AVEN: variants seen among roughly 807,000 people sequenced by gnomAD.
AVEN encodes apoptosis and caspase activation inhibitor, also known as cell death regulator Aven.
Under a neutral mutation model 38.1 loss-of-function variants are expected in AVEN, and 41 were observed. The observed-to-expected ratio is 1.08, with a 90% CI of 0.84 to 1.40. The LOEUF is 1.40. Among genes scored for constraint, AVEN ranks in the 40% most tolerant of loss-of-function variants. The pLI is 0.00. For synonymous variants in AVEN, 206 were observed against 171.8 expected (o/e 1.20, Z -1.56); for missense variants, 605 against 438.8 (o/e 1.38, Z -3.38).
At chr15:33,904,033 A>G (rs1264597587) in intron 2 of AVEN, among the ~76,000 whole-genome samples, 1 of 152,222 alleles carries the variant, frequency 6.6e-6, no homozygotes, top group Admixed American at 6.5e-5. Context: ...AAAGTATGGT[A>G]TTAAAATTTT....
intron 2 of AVEN, among the ~76,000 whole-genome samples, chr15:34,001,183 G>A (rs929255539): frequency 5.3e-5 from 8 of 151,944 alleles, no homozygotes; most frequent in Non-Finnish European, 1.0e-4. Context: ...ACCACGCCCA[G>A]CTAATTTTTT....
At chr15:33,918,401 A>C (rs1893242862) in intron 2 of AVEN, among the ~76,000 whole-genome samples, 1 of 151,916 alleles carries the variant, frequency 6.6e-6, no homozygotes, top group Admixed American at 6.5e-5. Context: ...TAATTTGTCA[A>C]AGAAAAGCAT....
chr15:34,037,516 T>C (rs1456377605), intron 1 of AVEN, among the ~76,000 whole-genome samples: 1 of 149,316 alleles, frequency 6.7e-6, no homozygotes, highest in African/African-American at 2.4e-5. Flanking sequence ...TATAATTACA[T>C]ACTATTATAT....
intron 2 of AVEN, among the ~76,000 whole-genome samples, chr15:33,986,512 A>C (rs1896477070): frequency 6.6e-6 from 1 of 152,174 alleles, no homozygotes; most frequent in African/African-American, 2.4e-5. Flanking sequence ...CTACTTAGCT[A>C]GAAAGTAAGA....
At chr15:34,026,957 C>A (rs1330288590) in intron 1 of AVEN, among the ~76,000 whole-genome samples, 1 of 152,034 alleles carries the variant, frequency 6.6e-6, no homozygotes, top group African/African-American at 2.4e-5. Context: ...GAAGAAGTTT[C>A]TAACAATTAG....
intron 5 of AVEN, among the ~76,000 whole-genome samples, chr15:34,059,176 C>T (rs1351060064): frequency 6.6e-6 from 1 of 152,120 alleles, no homozygotes; most frequent in African/African-American, 2.4e-5. Flanking sequence ...GGATTACAGG[C>T]GTGAGCCACC....
Position 33,998,798 on chromosome 15 carries a change from G to A in AVEN, c.445+4234C>T, listed in dbSNP as rs193002411. On this transcript the variant is annotated intron_variant, in intron 2 of 5. Transcript: ENST00000306730. ...TTCTTTCTTCTACCACTCATGCTCA[G>A]TCTCCTTTGCTGGTCTCTTCTCTTT... Among the ~76,000 whole-genome samples, 146 of 152,282 alleles carry A rather than the reference G, an allele frequency of 9.6e-4. 1 individual carries two copies. Among genetic ancestry groups the A allele is most frequent in the African/African-American group, 3.4e-3 (142 of 41,554 alleles).
rs1897353554 is a variant in AVEN at position 34,006,554 on chromosome 15, T to A, written c.268-3345A>T. Among the ~76,000 whole-genome samples the A allele has an allele frequency of 2.0e-5, 3 of 152,214 alleles. No individual in the cohort carries two copies. The South Asian group carries it at 6.2e-4, about 32-fold the overall frequency. On this transcript the variant is annotated intron_variant, in intron 1 of 5. Coordinates refer to ENST00000306730, the MANE Select transcript of AVEN (RefSeq NM_020371.3). ...ACCTTGATCTAAAAGAGGATTATGA[T>A]CTAAAACACCTAAGGAACGATTAAT...
At chr15:34,055,560 G>A (rs965895413) in intron 5 of AVEN, among the ~76,000 whole-genome samples, 5 of 151,842 alleles carry the variant, frequency 3.3e-5, no homozygotes, top group Non-Finnish European at 7.4e-5. Context: ...CCAGCACTTT[G>A]GGAGGCTGAG....
intron 2 of AVEN, among the ~76,000 whole-genome samples, chr15:33,922,133 T>C (rs1737962866): frequency 6.6e-6 from 1 of 152,190 alleles, no homozygotes; most frequent in Non-Finnish European, 1.5e-5. Flanking sequence ...GGTTAACAAA[T>C]TTGGAATCTT....
At chr15:33,891,433 G>C (rs374145675) in intron 2 of AVEN, among the ~76,000 whole-genome samples, 1 of 152,038 alleles carries the variant, frequency 6.6e-6, no homozygotes, top group Admixed American at 6.6e-5. Context: ...CTCCCTGTCT[G>C]TGTCCAAGTG....
downstream of AVEN, chr15:33,854,359 TAAGTTTTA>T (rs777645911): frequency 1.4e-5 from 22 of 1,540,236 alleles, no homozygotes; most frequent in South Asian, 2.7e-4. Context: ...TTGACATTTA[TAAGTTTTA>T]AAATCACTTG....
Position 34,062,953 on chromosome 15 carries a change from T to C in AVEN, n.1606A>G, listed in dbSNP as rs1233307744. ...AGCTTAGCCTGTGCAGATCTCATCA[T>C]TGGAATCTTCTCCATGAACCTCTAC... On this transcript the variant is annotated non_coding_transcript_exon_variant, in exon 5 of 12. Coordinates refer to the AVEN transcript ENST00000675287. 1.4e-5 allele frequency: 22 copies of C among 1,613,878 alleles called. No homozygotes were observed. The highest frequency in any genetic ancestry group is 1.4e-5 in the Non-Finnish European group (17 of 1,179,986).
In AVEN at chr15:33,948,711, C is replaced by T. The variant is rs141865603; in HGVS notation, c.445+54321G>A. On this transcript the variant is annotated intron_variant, in intron 2 of 5. Transcript: ENST00000306730. Reference sequence around the variant, plus strand: ...TTTTTAAGACAGAGTCTCACTCTGTCGCCCAGGCTGGAGTGCAGTGGCACA... The same window carrying T: ...TTTTTAAGACAGAGTCTCACTCTGTTGCCCAGGCTGGAGTGCAGTGGCACA... 5.3e-3 allele frequency among the ~76,000 whole-genome samples: 800 copies of T among 152,166 alleles called. 2 individuals carry two copies. Among genetic ancestry groups the T allele is most frequent in the Middle Eastern group, 0.02 (6 of 294 alleles).
At chr15:33,892,665 C>T (rs1892037055) in intron 2 of AVEN, among the ~76,000 whole-genome samples, 1 of 151,984 alleles carries the variant, frequency 6.6e-6, no homozygotes, top group Admixed American at 6.6e-5. Flanking sequence ...ATGCCTCCAG[C>T]TTTGTTCTTT....
chr15:34,074,907 G>A (rs113146548), exon 1 of AVEN, among the ~76,000 whole-genome samples: 3,230 of 152,122 alleles, frequency 0.021, 121 homozygotes, highest in African/African-American at 0.075. Flanking sequence ...GACCAGGTGC[G>A]GTGGCTCACA....
chr15:33,866,384 C>T lies in AVEN; in HGVS notation c.*229G>A, dbSNP rs1295849185. On this transcript the variant is annotated 3_prime_UTR_variant, in exon 6 of 6. Transcript: ENST00000306730. ...ACAAGGGCCAGAGTCTATCTCCTGC[C>T]CTTAAGGAAATCTATTAGATTACTA... 4 of 559,964 alleles carry T rather than the reference C, an allele frequency of 7.1e-6. No homozygotes were observed. The highest frequency in any genetic ancestry group is 1.3e-5 in the Non-Finnish European group (4 of 316,604). The allele number at this position is 559,964 out of a possible 1,614,324, so 34.7% of individuals were successfully genotyped here. A position where few individuals can be genotyped will look rare whatever the true frequency, so the allele number is the denominator to read the frequency against.
At chr15:33,937,237 T>C (rs1475484055) in intron 2 of AVEN, among the ~76,000 whole-genome samples, 1 of 149,376 alleles carries the variant, frequency 6.7e-6, no homozygotes, top group East Asian at 2.0e-4. Flanking sequence ...TAGCAACATT[T>C]TAAAAATTAA....
At chr15:33,953,898 AG>A (rs1384480549) in intron 2 of AVEN, among the ~76,000 whole-genome samples, 3 of 152,238 alleles carry the variant, frequency 2.0e-5, no homozygotes, top group Admixed American at 1.3e-4. Context: ...CATCTGGCAA[AG>A]GGCTAATATC....
Sources: allele counts gnomAD v4.1 joint callset (sites outside exome capture counted in the v4.1 genomes callset), GRCh38; gene constraint gnomAD v4.1.1; transcripts MANE v1.5; gene names NCBI Gene and HGNC (gene_info 2026-07-23, HGNC 2026-07-21).